XCR1: variants seen among roughly 807,000 people sequenced by gnomAD.
The protein encoded by XCR1 is X-C motif chemokine receptor 1, also known as chemokine XC receptor 1.
For synonymous variants in XCR1, 187 were observed against 188.5 expected, an observed-to-expected ratio of 0.99 and a Z score of 0.06; for missense variants, 356 against 424.2, an observed-to-expected ratio of 0.84 and a Z score of 1.41.
intron 5 of XCR1, among the ~76,000 whole-genome samples, chr3:46,048,009 T>C (rs1284532128): frequency 1.3e-5 from 2 of 152,224 alleles, no homozygotes; most frequent in African/African-American, 4.8e-5. Context: ...GTTACGTTAA[T>C]AGAACCAAGA....
chr3:46,056,394 C>G (rs943160647), intron 4 of XCR1, among the ~76,000 whole-genome samples: 1 of 152,096 alleles, frequency 6.6e-6, no homozygotes, highest in African/African-American at 2.4e-5. Flanking sequence ...GACCCACATA[C>G]CAATCAAGGA....
rs746598461 is a variant in XCR1, at chr3:46,020,798, G to C, written c.*148C>G. 9 of 1,141,914 alleles carry C rather than the reference G, an allele frequency of 7.9e-6. No homozygotes were observed. The South Asian group carries it at 1.5e-4, about 19-fold the overall frequency. 70.7% of individuals were successfully genotyped at this position (1,141,914 alleles called of 1,614,324 possible). A position where few individuals can be genotyped will look rare whatever the true frequency, so the allele number is the denominator to read the frequency against. ...TGAGAGGCTGGCGGGACCCACTGGT[G>C]TAATGAATGACCTTCACTGCACGCC... On this transcript the variant is annotated 3_prime_UTR_variant, in exon 2 of 2. Coordinates refer to ENST00000309285, the MANE Select transcript of XCR1 (RefSeq NM_001024644.2).
chr3:46,042,576 A>C (rs1380880202), intron 5 of XCR1, among the ~76,000 whole-genome samples: 1 of 152,182 alleles, frequency 6.6e-6, no homozygotes, highest in Non-Finnish European at 1.5e-5. Flanking sequence ...GTAACTGATA[A>C]AATGGACCGA....
intron 1 of XCR1, among the ~76,000 whole-genome samples, chr3:46,025,981 C>T (rs1405963731): frequency 6.6e-6 from 1 of 151,986 alleles, no homozygotes; most frequent in African/African-American, 2.4e-5. Context: ...ATAACATGAC[C>T]AAGTTGAGTT....
At chr3:46,024,265 G>C in intron 1 of XCR1, 3 of 309,524 alleles carry the variant, frequency 9.7e-6, no homozygotes, top group Non-Finnish European at 1.8e-5. Context: ...GGGGCATCCT[G>C]GTCCCGGAAA....
intron 1 of XCR1, among the ~76,000 whole-genome samples, chr3:46,085,169 T>C (rs532426666): frequency 6.7e-6 from 1 of 149,154 alleles, no homozygotes; most frequent in Admixed American, 6.7e-5. Flanking sequence ...AGCTAATACA[T>C]GGAGCAGCCT....
chr3:46,030,226 CATCATTGTCTTGTTTCTG>C, upstream of XCR1, among the ~76,000 whole-genome samples: 1 of 152,290 alleles, frequency 6.6e-6, no homozygotes, highest in South Asian at 2.1e-4. Context: ...GGACAATGGA[CATCATTGTCTTGTTTCTG>C]ATCTTAGGAG....
At chr3:46,059,140 A>G (rs568805520) in intron 4 of XCR1, among the ~76,000 whole-genome samples, 40 of 152,340 alleles carry the variant, frequency 2.6e-4, no homozygotes, top group African/African-American at 9.1e-4. Context: ...AAGTTAGCTG[A>G]GGAAGTGGCC....
rs970443005 is a variant in XCR1, at chr3:46,018,687, A to C, written c.*2259T>G. ...GCCCTGGCTCTTCCCTAGACCGATA[A>C]ACTCCTCCAGATCTACTGCCCCATT... On this transcript the variant is annotated 3_prime_UTR_variant, in exon 2 of 2. Coordinates refer to ENST00000309285, the MANE Select transcript of XCR1 (RefSeq NM_001024644.2). 1.3e-5 allele frequency: 2 copies of C among 152,084 alleles called. No homozygotes were observed. Among genetic ancestry groups the C allele is most frequent in the African/African-American group, 4.8e-5 (2 of 41,376 alleles). 9.4% of individuals were successfully genotyped at this position (152,084 alleles called of 1,614,324 possible).
intron 5 of XCR1, among the ~76,000 whole-genome samples, chr3:46,039,134 C>G (rs1214785673): frequency 6.6e-6 from 1 of 151,572 alleles, no homozygotes; most frequent in African/African-American, 2.4e-5. Flanking sequence ...GCTGTCAGTA[C>G]TGTATCTAGA....
intron 5 of XCR1, among the ~76,000 whole-genome samples, chr3:46,052,040 A>AAAAAC (rs146791601): frequency 0.41 from 58,418 of 142,878 alleles, 12,067 homozygotes; most frequent in African/African-American, 0.57. Flanking sequence ...AAACAAAAAC[A>AAAAAC]AAAAAAAAAC....
At chr3:46,041,869 A>G (rs1190465901) in intron 5 of XCR1, among the ~76,000 whole-genome samples, 2 of 152,110 alleles carry the variant, frequency 1.3e-5, no homozygotes, top group East Asian at 1.9e-4. Flanking sequence ...TTTCTTGTAC[A>G]TTGTTATATG....
intron 5 of XCR1, among the ~76,000 whole-genome samples, chr3:46,046,153 G>GTA (rs1419575145): frequency 6.6e-6 from 1 of 152,190 alleles, no homozygotes; most frequent in Non-Finnish European, 1.5e-5. Context: ...CTTACAAGTG[G>GTA]TATAACCTGC....
intron 5 of XCR1, among the ~76,000 whole-genome samples, chr3:46,038,030 G>GTTTTTTTTTTTTTTTTTTTT (rs368953503): frequency 8.1e-6 from 1 of 123,216 alleles, no homozygotes. Context: ...TTTGTTTTTT[G>GTTTTTTTTTTTTTTTTTTTT]TTTTTTTTTT....
intron 1 of XCR1, chr3:46,024,113 T>A: frequency 1.4e-6 from 1 of 738,326 alleles, no homozygotes; most frequent in Non-Finnish European, 2.4e-6. Flanking sequence ...CTTCCCCTTA[T>A]GGATCTCCCT....
intron 5 of XCR1, among the ~76,000 whole-genome samples, chr3:46,037,895 T>G (rs952283226): frequency 6.6e-6 from 1 of 152,236 alleles, no homozygotes; most frequent in African/African-American, 2.4e-5. Flanking sequence ...GTACTGGTAC[T>G]AAGGTACTTG....
At chr3:46,023,386 A>G in intron 1 of XCR1, 3 of 1,460,364 alleles carry the variant, frequency 2.1e-6, no homozygotes, top group South Asian at 1.2e-5. Context: ...CGAAGAGGCG[A>G]TTTCTTGTCA....
intron 3 of XCR1, among the ~76,000 whole-genome samples, chr3:46,070,336 G>A (rs1290425497): frequency 6.6e-6 from 1 of 151,990 alleles, no homozygotes; most frequent in South Asian, 2.1e-4. Flanking sequence ...ATGTTTCTTT[G>A]TTAATTTTCT....
chr3:46,046,753 G>T (rs1363552036), intron 5 of XCR1, among the ~76,000 whole-genome samples: 1 of 152,140 alleles, frequency 6.6e-6, no homozygotes, highest in Non-Finnish European at 1.5e-5. Context: ...CTTTAGATAG[G>T]TCCAAGGGTT....
Sources: allele counts gnomAD v4.1 joint callset (sites outside exome capture counted in the v4.1 genomes callset), GRCh38; gene constraint gnomAD v4.1.1; transcripts MANE v1.5; gene names NCBI Gene and HGNC (gene_info 2026-07-23, HGNC 2026-07-21).